The following CMTM4 variants were observed in gnomAD, a reference collection of about 807,000 sequenced individuals.
The protein encoded by CMTM4 is CKLF-like MARVEL transmembrane domain-containing protein 4.
A neutral mutation model predicts 19.0 loss-of-function variants in CMTM4; 8 were observed. That is an observed-to-expected ratio of 0.42 (90% CI 0.25 to 0.76). The LOEUF (loss-of-function observed/expected upper bound fraction) is 0.76, where lower values mean the gene tolerates loss of function less well. Ranked by LOEUF, CMTM4 falls within the 30% of genes least tolerant of loss-of-function variation. The pLI is 0.27. For synonymous variants in CMTM4, 106 were observed against 121.1 expected, an observed-to-expected ratio of 0.88 and a Z score of 0.82; for missense variants, 228 against 290.2, an observed-to-expected ratio of 0.79 and a Z score of 1.56.
intron 2 of CMTM4, among the ~76,000 whole-genome samples, chr16:66,629,529 ATT>A (rs1256905643): frequency 6.6e-6 from 1 of 152,234 alleles, no homozygotes; most frequent in Non-Finnish European, 1.5e-5. Flanking sequence ...AATGAAAAAT[ATT>A]TAATCAAATC....
intron 2 of CMTM4, among the ~76,000 whole-genome samples, chr16:66,626,497 T>C (rs2015741752): frequency 1.3e-5 from 2 of 152,196 alleles, no homozygotes; most frequent in Middle Eastern, 3.4e-3. Flanking sequence ...TCCCAGTTAC[T>C]CGGCAGGCTG....
At chr16:66,693,045 G>A (rs1313993137) in intron 1 of CMTM4, among the ~76,000 whole-genome samples, 1 of 151,646 alleles carries the variant, frequency 6.6e-6, no homozygotes, top group African/African-American at 2.4e-5. Context: ...CCAACATGAC[G>A]AAACCCCGTC....
chr16:66,608,351 G>T, the CMTM4 span: 1 of 1,614,206 alleles, frequency 6.2e-7, no homozygotes, highest in Non-Finnish European at 8.5e-7. The surrounding 1 kb of genome is among the most constrained non-coding windows in gnomAD (Gnocchi z 5.1). Flanking sequence ...GGCGTCCTCA[G>T]CATCTGCCTT....
intron 1 of CMTM4, among the ~76,000 whole-genome samples, chr16:66,644,283 T>C (rs1476133240): frequency 1.3e-5 from 2 of 152,194 alleles, no homozygotes; most frequent in African/African-American, 2.4e-5. Context: ...TCAGAACATA[T>C]TGACCGTATA....
intron 1 of CMTM4, among the ~76,000 whole-genome samples, chr16:66,649,977 C>T (rs137883829): frequency 5.0e-4 from 76 of 152,266 alleles, no homozygotes; most frequent in Non-Finnish European, 8.4e-4. Context: ...AGCCAACACA[C>T]GCTATTATAC....
chr16:66,605,049 G>T, the CMTM4 span: 3 of 1,126,472 alleles, frequency 2.7e-6, no homozygotes, highest in Admixed American at 1.3e-4. The surrounding 1 kb of genome is among the most constrained non-coding windows in gnomAD (Gnocchi z 4.6). Flanking sequence ...GGCGGCCGCC[G>T]TGCTCCGATA....
chr16:66,621,463 G>C lies in CMTM4; in HGVS notation c.*595C>G, dbSNP rs549474733. ...AATCAAGTGATTTCTCAGCAGAGTA[G>C]GAAACAAAAGGTCACCCTTCCTTGA... On this transcript the variant is annotated 3_prime_UTR_variant, in exon 4 of 4. Transcript: ENST00000394106. The C allele has an allele frequency of 1.0e-6, 1 of 985,918 alleles. No individual in the cohort carries two copies. The highest frequency in any genetic ancestry group is 1.7e-5 in the African/African-American group (1 of 57,250). 61.1% of individuals were successfully genotyped at this position (985,918 alleles called of 1,614,324 possible). A position where few individuals can be genotyped will look rare whatever the true frequency, so the allele number is the denominator to read the frequency against.
At chr16:66,656,495 C>T (rs568787291) in intron 1 of CMTM4, among the ~76,000 whole-genome samples, 10 of 152,212 alleles carry the variant, frequency 6.6e-5, no homozygotes, top group African/African-American at 2.4e-4. Flanking sequence ...TCCCGAGTAG[C>T]TGGGACCACA....
intron 2 of CMTM4, among the ~76,000 whole-genome samples, chr16:66,635,616 C>A (rs1596917445): frequency 1.3e-5 from 2 of 152,234 alleles, no homozygotes; most frequent in African/African-American, 4.8e-5. Context: ...CTGCTTCCCC[C>A]TCAGCAGCTG....
intron 2 of CMTM4, among the ~76,000 whole-genome samples, chr16:66,626,429 AC>A (rs1178231885): frequency 6.6e-6 from 1 of 152,102 alleles, no homozygotes; most frequent in Non-Finnish European, 1.5e-5. Context: ...ATATGGCGAA[AC>A]CCCATCTCTA....
At chr16:66,661,945 T>C (rs921109785) in intron 1 of CMTM4, among the ~76,000 whole-genome samples, 1 of 151,260 alleles carries the variant, frequency 6.6e-6, no homozygotes, top group South Asian at 2.1e-4. Context: ...AAAAATAAAA[T>C]AAAATAAAAA....
chr16:66,690,205 G>T (rs138657478), intron 1 of CMTM4, among the ~76,000 whole-genome samples: 157 of 152,270 alleles, frequency 1.0e-3, no homozygotes, highest in African/African-American at 3.6e-3. Context: ...ACCATTATGC[G>T]CTTGTATATG....
In CMTM4 at chr16:66,696,610, C is replaced by T. The variant is rs1459186980; in HGVS notation, c.-85G>A. 7.3e-6 allele frequency: 5 copies of T among 681,230 alleles called. No individual in the cohort carries two copies. The highest frequency in any genetic ancestry group is 6.7e-5 in the African/African-American group (3 of 44,450). 42.2% of individuals were successfully genotyped at this position (681,230 alleles called of 1,614,324 possible). ...CTCAGCGGGGCCGCCGCATCGCCGC[C>T]GCCGCCGCCGCCGCCGCCGCCCGAC... On this transcript the variant is annotated 5_prime_UTR_variant, in exon 1 of 4. Transcript: ENST00000394106. This position sits in a 1 kb window ranked among gnomAD's most constrained non-coding sequence, Gnocchi z 4.3.
At chr16:66,687,167 T>C in intron 1 of CMTM4, among the ~76,000 whole-genome samples, 1 of 146,812 alleles carries the variant, frequency 6.8e-6, no homozygotes, top group East Asian at 2.0e-4. Flanking sequence ...TACAGAAAAG[T>C]GCATTTTAAA....
In CMTM4 at chr16:66,619,744, T is replaced by C. The variant is rs2015594653; in HGVS notation, c.*2314A>G. The C allele has an allele frequency of 3.0e-6, 3 of 985,378 alleles. No homozygotes were observed. The highest frequency in any genetic ancestry group is 3.6e-6 in the Non-Finnish European group (3 of 829,906). 61.0% of individuals were successfully genotyped at this position (985,378 alleles called of 1,614,324 possible). ...GCGTCCATAGCACCACTTCCGGTTC[T>C]AGTGGGAGTTAATTAAATACAAGGA... On this transcript the variant is annotated 3_prime_UTR_variant, in exon 4 of 4. Coordinates refer to ENST00000394106, the MANE Select transcript of CMTM4 (RefSeq NM_181521.3).
At chr16:66,652,973 A>G (rs2016338174) in intron 1 of CMTM4, among the ~76,000 whole-genome samples, 2 of 152,088 alleles carry the variant, frequency 1.3e-5, no homozygotes, top group African/African-American at 4.8e-5. Context: ...CAGAGGAAAC[A>G]AGCTGCCCTT....
intron 1 of CMTM4, among the ~76,000 whole-genome samples, chr16:66,675,730 C>T (rs1449328969): frequency 2.6e-5 from 4 of 152,158 alleles, no homozygotes; most frequent in Admixed American, 2.6e-4. Context: ...ACACCACCAG[C>T]AACCACTTAC....
At chr16:66,674,732 C>CTTTTTTTTTTTT (rs771044359) in intron 1 of CMTM4, among the ~76,000 whole-genome samples, 2 of 92,486 alleles carry the variant, frequency 2.2e-5, no homozygotes, top group South Asian at 3.9e-4. Context: ...GTTACATATT[C>CTTTTTTTTTTTT]TTTTTTTTTT....
chr16:66,696,265 G>T lies in CMTM4; in HGVS notation c.186+75C>A. 1 of 1,069,246 alleles carries T rather than the reference G, an allele frequency of 9.4e-7. No individual in the cohort carries two copies. The highest frequency in any genetic ancestry group is 1.2e-6 in the Non-Finnish European group (1 of 832,846). The allele number at this position is 1,069,246 out of a possible 1,614,324, so 66.2% of individuals were successfully genotyped here. A position where few individuals can be genotyped will look rare whatever the true frequency, so the allele number is the denominator to read the frequency against. The stretch of plus-strand genomic sequence containing the variant: ...CTGGGCAAGCGGGTACGCGGCGGAG[G>T]CCCCGCAGCGGGGCGGGGAGGGAGG... On this transcript the variant is annotated intron_variant, in intron 1 of 3. Transcript: ENST00000394106. The surrounding 1 kb of genome is among the most constrained non-coding windows in gnomAD (Gnocchi z 4.3).
Sources: gnomAD v4.1 joint callset for allele counts (sites outside exome capture counted in the v4.1 genomes callset) on GRCh38, gnomAD v4.1.1 for gene constraint, Gnocchi (gnomAD v3.1) non-coding constraint, MANE v1.5 for transcripts, NCBI Gene and HGNC (gene_info 2026-07-23, HGNC 2026-07-21) for gene names.